Variants in CNOT10 observed in about 807,000 individuals in gnomAD.
The protein encoded by CNOT10 is CCR4-NOT transcription complex subunit 10.
In CNOT10, 30 loss-of-function variants were observed where a neutral mutation model predicts 94.6. That is an observed-to-expected ratio of 0.32 (90% CI 0.24 to 0.43). The LOEUF (loss-of-function observed/expected upper bound fraction) is 0.43. Among genes scored for constraint, CNOT10 ranks in the 20% least tolerant of loss-of-function variants. The pLI, the probability that CNOT10 is intolerant of heterozygous loss-of-function variation, is 1.00. For synonymous variants in CNOT10, 289 were observed against 301.6 expected (o/e 0.96, Z 0.43); for missense variants, 759 against 877.2 (o/e 0.87, Z 1.70).
chr3:32,773,121 C>T (rs1301831669), intron 18 of CNOT10, among the ~76,000 whole-genome samples: 1 of 152,144 alleles, frequency 6.6e-6, no homozygotes, highest in Non-Finnish European at 1.5e-5. Context: ...CCCACCTTGG[C>T]CTCCCAAAGT....
intron 7 of CNOT10, among the ~76,000 whole-genome samples, chr3:32,717,682 A>C (rs1698184002): frequency 6.6e-6 from 1 of 152,158 alleles, no homozygotes; most frequent in Non-Finnish European, 1.5e-5. Flanking sequence ...CCTGGTCAAC[A>C]TGATGAGACC....
intron 1 of CNOT10, among the ~76,000 whole-genome samples, chr3:32,689,282 G>A (rs1168057577): frequency 6.6e-6 from 1 of 151,834 alleles, no homozygotes; most frequent in African/African-American, 2.4e-5. Context: ...GAACCCAGGT[G>A]GCAGAGGTTG....
Position 32,720,174 on chromosome 3 carries a change from G to A in CNOT10, c.805G>A (p.Ala269Thr). ...FEYLRGNYRK[A>T]VKLLNSSNIA... is the part of the protein sequence containing the mutation. ...GTACTTAAGAGGTAATTATCGAAAA[G>A]CCGTGAAGCTATTAAATAGTTCAAA... The change falls in exon 8 of 19, where the codon GCC (alanine) becomes ACC (threonine). Residue 269 changes from alanine (A) to threonine (T), a missense_variant. By Grantham distance (58) the Ala-to-Thr change is moderately conservative. Transcript: ENST00000328834. 6.4e-7 allele frequency: 1 copy of A among 1,559,312 alleles called. No homozygotes were observed. The highest frequency in any genetic ancestry group is 8.8e-7 in the Non-Finnish European group (1 of 1,140,702).
At chr3:32,754,888 G>T (rs1012331332) in intron 13 of CNOT10, among the ~76,000 whole-genome samples, 18 of 148,072 alleles carry the variant, frequency 1.2e-4, no homozygotes, top group East Asian at 6.0e-4. Flanking sequence ...TGTTCTCCAA[G>T]GACCATTACA....
intron 1 of CNOT10, among the ~76,000 whole-genome samples, chr3:32,686,270 G>A (rs1178682115): frequency 6.6e-6 from 1 of 152,022 alleles, no homozygotes; most frequent in East Asian, 1.9e-4. Flanking sequence ...TATTCTTTGT[G>A]GCATCCAGGT....
At chr3:32,753,011 G>T in intron 13 of CNOT10, 2 of 487,820 alleles carry the variant, frequency 4.1e-6, no homozygotes, top group Admixed American at 2.5e-5. Context: ...TAGAGGAGCT[G>T]ACTAAGGCTT....
In CNOT10 at chr3:32,759,494, G is replaced by C. The variant is rs903588934; in HGVS notation, c.1632G>C (p.Leu544=). Residue 544 remains leucine (L), a synonymous_variant, in exon 14 of 19, where the codon CTG becomes CTC. Transcript: ENST00000328834. ...TTGCTTGCAGTGCCTACGTGGCTCTGGCTTTGGGTGATAACCTCATGGCTT... is the reference window on the plus strand; with the variant it reads ...TTGCTTGCAGTGCCTACGTGGCTCTCGCTTTGGGTGATAACCTCATGGCTT... The part of the protein sequence containing the change: ...SILACSAYVA[L]ALGDNLMALN... The C allele has an allele frequency of 1.2e-6, 2 of 1,613,910 alleles. No homozygotes were observed. Among genetic ancestry groups the C allele is most frequent in the Non-Finnish European group, 1.7e-6 (2 of 1,179,968 alleles).
chr3:32,751,581 A>G (rs145255808), intron 13 of CNOT10, among the ~76,000 whole-genome samples: 64 of 152,314 alleles, frequency 4.2e-4, no homozygotes, highest in African/African-American at 1.5e-3. Flanking sequence ...TTTTCCATTC[A>G]GTTAAAAGGG....
intron 1 of CNOT10, among the ~76,000 whole-genome samples, chr3:32,692,032 C>G (rs942069782): frequency 1.3e-4 from 19 of 143,180 alleles, no homozygotes; most frequent in African/African-American, 4.7e-4. Context: ...ACCTGGGTGA[C>G]TGAGTGAGAC....
intron 8 of CNOT10, among the ~76,000 whole-genome samples, chr3:32,722,853 A>G (rs1379333338): frequency 6.6e-6 from 1 of 152,110 alleles, no homozygotes; most frequent in East Asian, 1.9e-4. Flanking sequence ...GCGTGATGGC[A>G]TGCGCCTGTA....
At chr3:32,721,652 T>TC in intron 8 of CNOT10, among the ~76,000 whole-genome samples, 1 of 148,726 alleles carries the variant, frequency 6.7e-6, no homozygotes, top group East Asian at 1.9e-4. Flanking sequence ...ATATTCTTTT[T>TC]TTTTTTTTTT....
chr3:32,771,007 C>T (rs779385086), intron 18 of CNOT10, among the ~76,000 whole-genome samples: 2 of 152,094 alleles, frequency 1.3e-5, no homozygotes, highest in South Asian at 2.1e-4. Context: ...GCCAGAGCGA[C>T]GACCCATCAA....
chr3:32,734,373 T>C (rs764306363), intron 11 of CNOT10, among the ~76,000 whole-genome samples: 1 of 152,220 alleles, frequency 6.6e-6, no homozygotes, highest in Non-Finnish European at 1.5e-5. Flanking sequence ...TCAAAGTGTA[T>C]AGAGGCATTT....
At chr3:32,769,100 T>C (rs1403771166) in intron 17 of CNOT10, 1 of 152,246 alleles carries the variant, frequency 6.6e-6, no homozygotes, top group Non-Finnish European at 1.5e-5. Flanking sequence ...CTTATCTCCA[T>C]ACCCACCTCT....
intron 18 of CNOT10, among the ~76,000 whole-genome samples, chr3:32,770,751 G>C (rs1700868848): frequency 6.7e-6 from 1 of 150,306 alleles, no homozygotes; most frequent in Non-Finnish European, 1.5e-5. Flanking sequence ...CTGTCACCCA[G>C]GCTGGAGTGC....
intron 1 of CNOT10, among the ~76,000 whole-genome samples, chr3:32,700,198 A>C (rs2125506747): frequency 6.6e-6 from 1 of 150,876 alleles, no homozygotes; most frequent in South Asian, 2.1e-4. Context: ...CTGGTCTTGA[A>C]CTCCTGACCT....
At chr3:32,770,614 C>T (rs1327944410) in intron 18 of CNOT10, among the ~76,000 whole-genome samples, 1 of 151,434 alleles carries the variant, frequency 6.6e-6, no homozygotes, top group Non-Finnish European at 1.5e-5. Flanking sequence ...CGTGAGCCAC[C>T]GCACCCGGCA....
At chr3:32,758,029 A>T (rs1431855439) in intron 13 of CNOT10, among the ~76,000 whole-genome samples, 2 of 152,218 alleles carry the variant, frequency 1.3e-5, no homozygotes, top group South Asian at 4.1e-4. Flanking sequence ...ATTATAATGT[A>T]CAAGAATCTT....
At chr3:32,696,152 C>G (rs1008551353) in intron 1 of CNOT10, among the ~76,000 whole-genome samples, 3 of 151,898 alleles carry the variant, frequency 2.0e-5, no homozygotes, top group Admixed American at 6.6e-5. Flanking sequence ...CCTGCCTCTA[C>G]TAAAAATACA....
Sources: gnomAD v4.1 joint callset for allele counts (sites outside exome capture counted in the v4.1 genomes callset) on GRCh38, gnomAD v4.1.1 for gene constraint, MANE v1.5 for transcripts, NCBI Gene and HGNC (gene_info 2026-07-23, HGNC 2026-07-21) for gene names.